The following TMEM38B variants were observed in gnomAD, a reference collection of about 807,000 sequenced individuals.
The protein encoded by TMEM38B is transmembrane protein 38B, also known as trimeric intracellular cation channel type B.
Under a neutral mutation model 28.7 loss-of-function variants are expected in TMEM38B, and 24 were observed. The ratio of observed to expected loss-of-function variants is 0.84; its 90% confidence interval spans 0.61 to 1.18. TMEM38B has a LOEUF of 1.18. TMEM38B is among the 50% of genes most tolerant of loss of function. The pLI is 0.00. For synonymous variants in TMEM38B, 131 were observed against 127.7 expected (o/e 1.03, Z -0.17); for missense variants, 380 against 350.9 (o/e 1.08, Z -0.66).
intron 2 of TMEM38B, among the ~76,000 whole-genome samples, chr9:105,719,796 ATGGGTCATTTATAACATTCTTT>A (rs1326529318): frequency 6.6e-6 from 1 of 152,112 alleles, no homozygotes; most frequent in African/African-American, 2.4e-5. Flanking sequence ...AGGAATGAAA[ATGGGTCATTTATAACATTCTTT>A]TGGTTGTTTT....
At chr9:105,706,889 G>A (rs1341657564) in intron 2 of TMEM38B, among the ~76,000 whole-genome samples, 1 of 151,740 alleles carries the variant, frequency 6.6e-6, no homozygotes, top group East Asian at 1.9e-4. Context: ...CGATTCTCCT[G>A]TCTCAGCCTC....
At chr9:105,773,315 C>G (rs1826619912) in intron 5 of TMEM38B, among the ~76,000 whole-genome samples, 1 of 152,106 alleles carries the variant, frequency 6.6e-6, no homozygotes, top group Admixed American at 6.6e-5. Context: ...GGGTAGCATT[C>G]TGCAAGTCAC....
chr9:105,731,948 C>T (rs1836766540), intron 4 of TMEM38B, among the ~76,000 whole-genome samples: 2 of 152,278 alleles, frequency 1.3e-5, no homozygotes, highest in South Asian at 4.1e-4. Context: ...TCCTATTTCT[C>T]CACATCCTCT....
chr9:105,745,876 A>T (rs192343087), intron 4 of TMEM38B, among the ~76,000 whole-genome samples: 4,859 of 152,204 alleles, frequency 0.032, 108 homozygotes, highest in South Asian at 0.093. Flanking sequence ...GGTTTGTCAA[A>T]GATGAAATAG....
chr9:105,732,290 T>C (rs1190804872), intron 4 of TMEM38B, among the ~76,000 whole-genome samples: 1 of 152,236 alleles, frequency 6.6e-6, no homozygotes, highest in Non-Finnish European at 1.5e-5. Context: ...TTTCTTTTGC[T>C]GTGCAGAAGC....
chr9:105,770,179 A>G (rs552311183), intron 5 of TMEM38B, among the ~76,000 whole-genome samples: 3 of 152,300 alleles, frequency 2.0e-5, no homozygotes, highest in South Asian at 4.1e-4. Flanking sequence ...TTTTGGGGAT[A>G]TGAATGATTA....
chr9:105,717,937 G>A (rs1836169489), intron 2 of TMEM38B, among the ~76,000 whole-genome samples: 1 of 152,108 alleles, frequency 6.6e-6, no homozygotes, highest in South Asian at 2.1e-4. Context: ...CTGAGACGTA[G>A]GTATTATTTT....
intron 5 of TMEM38B, among the ~76,000 whole-genome samples, chr9:105,761,157 T>G (rs1011187394): frequency 6.6e-6 from 1 of 152,198 alleles, no homozygotes; most frequent in Non-Finnish European, 1.5e-5. Context: ...TTGGGGTTAC[T>G]TCTTTGTTTC....
intron 5 of TMEM38B, among the ~76,000 whole-genome samples, chr9:105,761,477 CTATGTGCCTTTCA>C (rs771753308): frequency 3.3e-5 from 5 of 152,154 alleles, no homozygotes; most frequent in Non-Finnish European, 7.4e-5. Flanking sequence ...TTAGCAACTG[CTATGTGCCTTTCA>C]TTGTTCCAGA....
chr9:105,721,262 G>A (rs917275365), intron 2 of TMEM38B, among the ~76,000 whole-genome samples: 31 of 152,112 alleles, frequency 2.0e-4, no homozygotes, highest in Admixed American at 1.9e-3. Flanking sequence ...CAAATTAAGA[G>A]CTCACTAAAT....
intron 5 of TMEM38B, among the ~76,000 whole-genome samples, chr9:105,770,501 A>C (rs1430453212): frequency 1.3e-5 from 2 of 152,174 alleles, no homozygotes; most frequent in African/African-American, 2.4e-5. Flanking sequence ...TCCACACTTA[A>C]AGATATATAC....
At chr9:105,742,558 T>G (rs371029796) in intron 4 of TMEM38B, among the ~76,000 whole-genome samples, 14 of 152,366 alleles carry the variant, frequency 9.2e-5, no homozygotes, top group African/African-American at 3.1e-4. Flanking sequence ...CATAAGAATT[T>G]TCTAAATGCA....
At chr9:105,742,392 AT>A (rs1478435908) in intron 4 of TMEM38B, among the ~76,000 whole-genome samples, 2 of 152,170 alleles carry the variant, frequency 1.3e-5, no homozygotes, top group Non-Finnish European at 2.9e-5. Flanking sequence ...GCCCTTCTGG[AT>A]TTCAAAATGG....
intron 5 of TMEM38B, among the ~76,000 whole-genome samples, chr9:105,757,483 A>T (rs559024230): frequency 1.3e-5 from 2 of 152,226 alleles, no homozygotes; most frequent in Admixed American, 6.5e-5. Context: ...AAGAATCTCC[A>T]TACTGTTTTC....
At chr9:105,763,827 C>T (rs1838159944) in intron 5 of TMEM38B, among the ~76,000 whole-genome samples, 11 of 151,396 alleles carry the variant, frequency 7.3e-5, no homozygotes, top group Admixed American at 6.6e-4. Flanking sequence ...ATGCAAAAAT[C>T]CTCAGTAAAA....
chr9:105,769,974 T>C (rs191108167), intron 5 of TMEM38B, among the ~76,000 whole-genome samples: 1 of 152,264 alleles, frequency 6.6e-6, no homozygotes, highest in Admixed American at 6.5e-5. Context: ...GTAGATGTGC[T>C]GAATACTGAT....
At chr9:105,760,053 T>G (rs772598231) in intron 5 of TMEM38B, 22 of 1,183,676 alleles carry the variant, frequency 1.9e-5, no homozygotes, top group Non-Finnish European at 2.6e-5. Flanking sequence ...TACTTCCAGC[T>G]TCTTCTGTGT....
chr9:105,771,784 A>C (rs1826552875), intron 5 of TMEM38B, among the ~76,000 whole-genome samples: 1 of 152,148 alleles, frequency 6.6e-6, no homozygotes, highest in African/African-American at 2.4e-5. Context: ...TTATGCATTT[A>C]CCTTTCGCTT....
At chr9:105,742,896 T>A (rs1837256197) in intron 4 of TMEM38B, among the ~76,000 whole-genome samples, 2 of 152,244 alleles carry the variant, frequency 1.3e-5, no homozygotes, top group Non-Finnish European at 2.9e-5. Flanking sequence ...AATTTCCAAA[T>A]TAATTGATAA....
Sources: allele counts gnomAD v4.1 joint callset (sites outside exome capture counted in the v4.1 genomes callset), GRCh38; gene constraint gnomAD v4.1.1; transcripts MANE v1.5; gene names NCBI Gene and HGNC (gene_info 2026-07-23, HGNC 2026-07-21).